Variants in NHSL2 observed in about 807,000 individuals in gnomAD.
The protein encoded by NHSL2 is NHS like 2, also known as NHS-like protein 2.
In NHSL2, 27 loss-of-function variants were observed where a neutral mutation model predicts 53.4. That is an observed-to-expected ratio of 0.51 (90% confidence interval 0.37 to 0.70). NHSL2 has a LOEUF of 0.70. Ranked by LOEUF, NHSL2 falls within the 30% of genes least tolerant of loss-of-function variation. The pLI is 0.00. For missense variants in NHSL2, 892 were observed against 980.1 expected (o/e 0.91, Z 1.20); for synonymous variants, 408 against 404.1 (o/e 1.01, Z -0.12).
chrX:71,983,297 C>T (rs971019184), intron 1 of NHSL2, among the ~76,000 whole-genome samples: 7 of 110,706 alleles, frequency 6.3e-5, no homozygotes, highest in Admixed American at 3.9e-4. Context: ...TTATATGCTA[C>T]GCGAATTATA....
chrX:72,031,443 A>G (rs1187700982), intron 1 of NHSL2, among the ~76,000 whole-genome samples: 1 of 112,286 alleles, frequency 8.9e-6, no homozygotes, highest in Non-Finnish European at 1.9e-5. Flanking sequence ...GAGCTATTTC[A>G]TGTGTAGCAC....
At chrX:72,089,574 A>G (rs1001041494) in intron 1 of NHSL2, among the ~76,000 whole-genome samples, 1 of 111,075 alleles carries the variant, frequency 9.0e-6, no homozygotes, top group Admixed American at 9.6e-5. Flanking sequence ...GTGAAGAAAG[A>G]TGAACACCTG....
rs148976162 is a variant in NHSL2, at chrX:72,106,251, TACAC to T, written c.281-25808_281-25805del. On this transcript the variant is annotated intron_variant, in intron 1 of 7. Coordinates refer to ENST00000633930, the MANE Select transcript of NHSL2 (RefSeq NM_001013627.3). ...TGAATTCATTCATTCATTCCCTCAT[TACAC>T]ACACACACACACACACACATACACA... is the stretch of plus-strand genomic sequence containing the variant. Among the ~76,000 whole-genome samples the T allele has an allele frequency of 9.4e-5, 10 of 105,979 alleles. No homozygotes were observed. The Admixed American group carries it at 1.0e-3, about 11-fold the overall frequency. The allele number at this position is 105,979 out of a possible 115,157, so 92.0% of individuals were successfully genotyped here.
At chrX:71,985,551 G>A (rs1336550585) in intron 1 of NHSL2, among the ~76,000 whole-genome samples, 1 of 112,558 alleles carries the variant, frequency 8.9e-6, no homozygotes, top group African/African-American at 3.2e-5. Flanking sequence ...GAGAAATCAG[G>A]TAGAGAGAAA....
At chrX:72,025,479 G>A (rs777963646) in intron 1 of NHSL2, among the ~76,000 whole-genome samples, 174 of 112,162 alleles carry the variant, frequency 1.6e-3, no homozygotes, top group Non-Finnish European at 2.5e-3. Flanking sequence ...ACACACAGGA[G>A]ACCAGCGCTA....
At chrX:71,988,894 A>G (rs904830149) in intron 1 of NHSL2, among the ~76,000 whole-genome samples, 3 of 112,083 alleles carry the variant, frequency 2.7e-5, no homozygotes, top group African/African-American at 9.7e-5. Context: ...TCTGTTTACC[A>G]ATTTCTGGTT....
intron 1 of NHSL2, among the ~76,000 whole-genome samples, chrX:72,040,228 C>T (rs1315655257): frequency 8.9e-6 from 1 of 111,794 alleles, no homozygotes; most frequent in Non-Finnish European, 1.9e-5. Flanking sequence ...CCCAAGGAAT[C>T]AGCGCTGGAT....
chrX:71,969,293 GTTTTCTTT>G (rs1321483735), intron 1 of NHSL2, among the ~76,000 whole-genome samples: 1 of 98,034 alleles, frequency 1.0e-5, no homozygotes, highest in Non-Finnish European at 2.1e-5. Context: ...AAGTTGAACG[GTTTTCTTT>G]TTTTCTTTTT....
intron 1 of NHSL2, among the ~76,000 whole-genome samples, chrX:72,017,673 A>T (rs1214228021): frequency 2.7e-5 from 3 of 112,414 alleles, no homozygotes; most frequent in Non-Finnish European, 5.6e-5. Context: ...TTCTCCCCCT[A>T]CAAGGTCATG....
At position 72,148,836 on chromosome X, in the gene NHSL2, GTGTA is replaced by G. The variant is rs1378742299; in HGVS notation, c.*5266_*5269del. 3.0e-5 allele frequency: 2 copies of G among 66,995 alleles called. No homozygotes were observed. Among genetic ancestry groups the G allele is most frequent in the African/African-American group, 1.0e-4 (2 of 19,539 alleles). The allele number at this position is 66,995 out of a possible 1,213,427, so 5.5% of individuals were successfully genotyped here. On this transcript the variant is annotated 3_prime_UTR_variant, in exon 8 of 8. Coordinates refer to ENST00000633930, the MANE Select transcript of NHSL2 (RefSeq NM_001013627.3). ...AGAGGGAGAAAGAGAGAGAGAGAGA[GTGTA>G]TGTGTGTGTGTGTGTGTGTGTGTGT...
intron 1 of NHSL2, among the ~76,000 whole-genome samples, chrX:71,936,342 T>C (rs1569464210): frequency 8.9e-6 from 1 of 112,485 alleles, no homozygotes; most frequent in Non-Finnish European, 1.9e-5. Context: ...TTCAGGGTTC[T>C]TTCCAGCCCT....
chrX:72,092,841 A>G (rs1017037648), intron 1 of NHSL2, among the ~76,000 whole-genome samples: 1 of 111,250 alleles, frequency 9.0e-6, no homozygotes, highest in African/African-American at 3.4e-5. Flanking sequence ...AATCCTGACT[A>G]TCACTAACTG....
intron 1 of NHSL2, among the ~76,000 whole-genome samples, chrX:71,947,583 C>T (rs912449784): frequency 1.8e-5 from 2 of 111,785 alleles, no homozygotes; most frequent in African/African-American, 6.5e-5. Context: ...TTGAATGCCT[C>T]CTGGGTGTCT....
intron 1 of NHSL2, among the ~76,000 whole-genome samples, chrX:72,044,005 C>T (rs949146208): frequency 8.9e-6 from 1 of 111,895 alleles, no homozygotes; most frequent in Non-Finnish European, 1.9e-5. Flanking sequence ...ATAAATGAAG[C>T]TTGGTCCCTG....
chrX:72,152,341 G>C lies in NHSL2; in HGVS notation c.*8767G>C, dbSNP rs1403708398. 1 of 75,159 alleles carries C rather than the reference G, an allele frequency of 1.3e-5. No homozygotes were observed. The highest frequency in any genetic ancestry group is 2.6e-5 in the Non-Finnish European group (1 of 38,922). The allele number at this position is 75,159 out of a possible 1,213,427, so 6.2% of individuals were successfully genotyped here. ...TTCACAAATCACACCATACATGCGT[G>C]TGTGCATGCGCGCGCGCACACACAC... On this transcript the variant is annotated 3_prime_UTR_variant, in exon 8 of 8. Coordinates refer to ENST00000633930, the MANE Select transcript of NHSL2 (RefSeq NM_001013627.3).
chrX:72,083,292 A>G (rs1442425610), intron 1 of NHSL2, among the ~76,000 whole-genome samples: 1 of 113,323 alleles, frequency 8.8e-6, no homozygotes, highest in East Asian at 2.8e-4. Context: ...AGTGCTTACC[A>G]ACTGTTTTCA....
intron 1 of NHSL2, among the ~76,000 whole-genome samples, chrX:71,925,421 T>C (rs936151139): frequency 2.0e-5 from 2 of 99,398 alleles, no homozygotes; most frequent in Non-Finnish European, 4.1e-5. Context: ...GTTTTTGCAC[T>C]TTTTTTTTTT....
At chrX:72,011,211 G>A in intron 1 of NHSL2, among the ~76,000 whole-genome samples, 1 of 112,183 alleles carries the variant, frequency 8.9e-6, no homozygotes, top group African/African-American at 3.2e-5. Context: ...CCACTGAAGG[G>A]CATGTGGGTT....
At chrX:72,101,002 A>G (rs985569301) in intron 1 of NHSL2, among the ~76,000 whole-genome samples, 1 of 107,961 alleles carries the variant, frequency 9.3e-6, no homozygotes, top group Non-Finnish European at 1.9e-5. Flanking sequence ...CTCTGTTCAC[A>G]GCGTCTCATC....
Sources: allele counts gnomAD v4.1 joint callset (sites outside exome capture counted in the v4.1 genomes callset), GRCh38; gene constraint gnomAD v4.1.1; transcripts MANE v1.5; gene names NCBI Gene and HGNC (gene_info 2026-07-23, HGNC 2026-07-21).